The following SNED1 variants were observed in gnomAD, a reference collection of about 807,000 sequenced individuals.
SNED1 encodes the protein sushi, nidogen and EGF like domains 1.
SNED1 carries 81 observed loss-of-function variants against 166.7 expected under a neutral mutation model. The ratio of observed to expected loss-of-function variants is 0.49; its 90% confidence interval spans 0.41 to 0.58. The LOEUF is 0.58. Among genes scored for constraint, SNED1 ranks in the 20% least tolerant of loss-of-function variants. The probability of loss-of-function intolerance (pLI) is 0.00; values close to 1 mark genes in which losing one functional copy is unlikely to be tolerated. For synonymous variants in SNED1, 762 were observed against 822.0 expected (o/e 0.93, Z 1.25); for missense variants, 1,604 against 2,000.2 (o/e 0.80, Z 3.78).
intron 1 of SNED1, among the ~76,000 whole-genome samples, chr2:241,016,390 G>C (rs1375050672): frequency 6.6e-6 from 1 of 151,946 alleles, no homozygotes; most frequent in Non-Finnish European, 1.5e-5. Context: ...TAGTAGAGAT[G>C]GGGTTTCACC....
chr2:241,045,967 C>T (rs1247985665), intron 8 of SNED1, among the ~76,000 whole-genome samples: 2 of 151,996 alleles, frequency 1.3e-5, no homozygotes, highest in Non-Finnish European at 2.9e-5. Flanking sequence ...TGTGAGAAAA[C>T]AAACAACCCA....
intron 16 of SNED1, among the ~76,000 whole-genome samples, chr2:241,060,433 T>A (rs2062195388): frequency 6.6e-6 from 1 of 152,208 alleles, no homozygotes; most frequent in East Asian, 1.9e-4. Context: ...TCCACCCGCC[T>A]TGGGCTCCCA....
At chr2:241,046,307 T>G (rs1390294733) in intron 8 of SNED1, among the ~76,000 whole-genome samples, 2 of 152,240 alleles carry the variant, frequency 1.3e-5, no homozygotes, top group Non-Finnish European at 2.9e-5. Flanking sequence ...CTCCTTGTAT[T>G]AACTCTAAAG....
At chr2:241,017,980 G>A (rs565585763) in intron 1 of SNED1, among the ~76,000 whole-genome samples, 109 of 152,272 alleles carry the variant, frequency 7.2e-4, no homozygotes, top group Middle Eastern at 6.8e-3. Flanking sequence ...TGGTTTATCC[G>A]GAATTGAAAG....
At chr2:241,005,824 C>A (rs1479146055) in intron 1 of SNED1, among the ~76,000 whole-genome samples, 1 of 151,908 alleles carries the variant, frequency 6.6e-6, no homozygotes, top group East Asian at 1.9e-4. Context: ...TTAAGATATT[C>A]TTTTTATCAC....
intron 16 of SNED1, among the ~76,000 whole-genome samples, chr2:241,054,606 C>T (rs1216262978): frequency 6.6e-6 from 1 of 152,062 alleles, no homozygotes; most frequent in Admixed American, 6.5e-5. Context: ...ATAAAATAAC[C>T]GTGACAAATT....
chr2:241,041,549 G>A (rs966910348), intron 8 of SNED1, among the ~76,000 whole-genome samples: 2 of 152,154 alleles, frequency 1.3e-5, no homozygotes, highest in East Asian at 3.8e-4. Flanking sequence ...GCCAGACGTG[G>A]TGCTGCATGC....
chr2:241,005,071 T>C (rs766363304), intron 1 of SNED1, among the ~76,000 whole-genome samples: 2 of 152,096 alleles, frequency 1.3e-5, no homozygotes, highest in Non-Finnish European at 2.9e-5. Flanking sequence ...AGATTAAAAT[T>C]AGAAAGTCTT....
In SNED1 at chr2:241,013,396, C is replaced by T. The variant is rs529778198; in HGVS notation, c.213+14346C>T. Among the ~76,000 whole-genome samples, 9 of 152,350 alleles carry T rather than the reference C, an allele frequency of 5.9e-5. No homozygotes were observed. In the South Asian group the frequency reaches 1.9e-3, roughly 32 times the overall value. On this transcript the variant is annotated intron_variant, in intron 1 of 31. Coordinates refer to ENST00000310397, the MANE Select transcript of SNED1 (RefSeq NM_001080437.3). This position sits in a 1 kb window ranked among gnomAD's most constrained non-coding sequence, Gnocchi z 4.6. ...GCCTAGCTCACTGTAACCTCGAACT[C>T]ATGGGCTCCAGTGATCCTCCCACTT...
chr2:241,082,216 C>T, intron 28 of SNED1, 61 bp from the exon 29 acceptor site: 2 of 1,408,114 alleles, frequency 1.4e-6, no homozygotes, highest in Non-Finnish European at 2.0e-6. Flanking sequence ...CAAGGCCTCT[C>T]AAGAGGGGCA....
intron 4 of SNED1, 61 bp downstream of exon 4, chr2:241,034,791 A>G: frequency 6.8e-7 from 1 of 1,471,642 alleles, no homozygotes; most frequent in Non-Finnish European, 9.1e-7. Context: ...TTGATGGCAG[A>G]GGAGAGGTGG....
At chr2:241,041,483 A>G (rs6757743) in intron 8 of SNED1, 72,436 of 152,144 alleles carry the variant, frequency 0.48, 17,677 homozygotes, top group Middle Eastern at 0.56. Flanking sequence ...TCAGGAGTTC[A>G]AGACCAGCCT....
At chr2:241,086,711 C>T (rs1366574721) in intron 29 of SNED1, among the ~76,000 whole-genome samples, 1 of 152,210 alleles carries the variant, frequency 6.6e-6, no homozygotes, top group Non-Finnish European at 1.5e-5. Flanking sequence ...TTCTATGAGA[C>T]TTAGCATATG....
intron 1 of SNED1, among the ~76,000 whole-genome samples, chr2:241,014,942 C>T (rs962675430): frequency 1.3e-5 from 2 of 152,164 alleles, no homozygotes; most frequent in African/African-American, 2.4e-5. Flanking sequence ...CCCCCAGCGC[C>T]GTTGTGGCTG....
At chr2:241,010,922 G>C (rs1422970289) in intron 1 of SNED1, among the ~76,000 whole-genome samples, 5 of 152,206 alleles carry the variant, frequency 3.3e-5, no homozygotes, top group East Asian at 1.9e-4. Context: ...AAGGAGACCA[G>C]ACGGTGGCCA....
At chr2:241,048,867 C>T in intron 10 of SNED1, 101 bp downstream of exon 10, 1 of 1,212,206 alleles carries the variant, frequency 8.2e-7, no homozygotes, top group Non-Finnish European at 1.2e-6. Flanking sequence ...AGACTGTCGA[C>T]CATTGGTTCT....
Position 240,999,110 on chromosome 2 carries a change from TGCCCGCCGGGCCCGGACTCCCGCCGCC to T in SNED1, c.213+64_213+90del. On this transcript the variant is annotated intron_variant, in intron 1 of 31. Transcript: ENST00000310397. The surrounding 1 kb of genome is among the most constrained non-coding windows in gnomAD (Gnocchi z 5.8). ...GGGGAGGGAGCTGCGCCCCGGCCGCTGCCCGCCGGGCCCGGACTCCCGCCGCCGCCGCCAGCCACTTGGCACCGGGGC... is the reference window on the plus strand; with the variant it reads ...GGGGAGGGAGCTGCGCCCCGGCCGCTGCCGCCAGCCACTTGGCACCGGGGC... The T allele has an allele frequency of 9.3e-7, 1 of 1,073,348 alleles. No individual in the cohort carries two copies. The highest frequency in any genetic ancestry group is 1.2e-6 in the Non-Finnish European group (1 of 849,160). 66.5% of individuals were successfully genotyped at this position (1,073,348 alleles called of 1,614,324 possible).
chr2:240,998,561 G>GC (rs536877002), upstream of SNED1, among the ~76,000 whole-genome samples: 103 of 151,834 alleles, frequency 6.8e-4, no homozygotes, highest in East Asian at 5.4e-3. Context: ...GCATGGCCCC[G>GC]CCCCCCCGAG....
chr2:241,081,572 AC>A, intron 27 of SNED1, 104 bp from the exon 28 acceptor site: 1 of 827,396 alleles, frequency 1.2e-6, no homozygotes. Flanking sequence ...AGAGGAGTGC[AC>A]GGCCACCCTG....
Sources: gnomAD v4.1 joint callset for allele counts (sites outside exome capture counted in the v4.1 genomes callset) on GRCh38, gnomAD v4.1.1 for gene constraint, Gnocchi (gnomAD v3.1) non-coding constraint, MANE v1.5 for transcripts, NCBI Gene and HGNC (gene_info 2026-07-23, HGNC 2026-07-21) for gene names.